The following CNTN5 variants were observed in gnomAD, a reference collection of about 807,000 sequenced individuals.
CNTN5 encodes the protein contactin-5.
Under a neutral mutation model 129.1 loss-of-function variants are expected in CNTN5, and 77 were observed. The ratio of observed to expected loss-of-function variants is 0.60; its 90% CI spans 0.50 to 0.72. The LOEUF is 0.72. Ranked by LOEUF, CNTN5 falls within the 30% of genes least tolerant of loss-of-function variation. The probability of loss-of-function intolerance (pLI) is 0.00; values close to 1 mark genes in which losing one functional copy is unlikely to be tolerated. For missense variants in CNTN5, 1,478 were observed against 1,328.8 expected (o/e 1.11, Z -1.75); for synonymous variants, 509 against 465.6 (o/e 1.09, Z -1.20).
chr11:100,233,712 A>G (rs1438619967), intron 16 of CNTN5, among the ~76,000 whole-genome samples: 1 of 152,078 alleles, frequency 6.6e-6, no homozygotes, highest in Non-Finnish European at 1.5e-5. Flanking sequence ...GGGACTTCTT[A>G]TCTAGGTGCC....
At chr11:99,997,526 C>G (rs556427581) in intron 8 of CNTN5, among the ~76,000 whole-genome samples, 25 of 152,066 alleles carry the variant, frequency 1.6e-4, no homozygotes, top group Non-Finnish European at 2.8e-4. Flanking sequence ...GCTTGCCAAC[C>G]AAAAAGAGCC....
rs139162536 is a variant in CNTN5, at chr11:99,799,816, A to T, written c.56-19728A>T. On this transcript the variant is annotated intron_variant, in intron 3 of 24. Coordinates refer to ENST00000524871, the MANE Select transcript of CNTN5 (RefSeq NM_014361.4). ...GAATTTTTTGGAAAAAATTGGGTAG[A>T]ATTGGTACCAGCTCTTCTTTGTATA... Among the ~76,000 whole-genome samples the T allele has an allele frequency of 1.2e-3, 181 of 152,108 alleles. 1 individual carries two copies. The highest frequency in any genetic ancestry group is 4.0e-3 in the African/African-American group (166 of 41,500).
chr11:99,539,298 T>C (rs1948012183), intron 2 of CNTN5, among the ~76,000 whole-genome samples: 1 of 152,132 alleles, frequency 6.6e-6, no homozygotes. Context: ...CATTTGGTAA[T>C]ATTAAAAGCT....
chr11:99,719,405 T>G (rs535157085), intron 3 of CNTN5, among the ~76,000 whole-genome samples: 19 of 152,172 alleles, frequency 1.2e-4, no homozygotes, highest in African/African-American at 4.6e-4. Flanking sequence ...TGAGGATATA[T>G]GTGTAAAAAT....
intron 3 of CNTN5, among the ~76,000 whole-genome samples, chr11:99,565,485 A>C (rs1948973181): frequency 6.6e-6 from 1 of 152,184 alleles, no homozygotes; most frequent in South Asian, 2.1e-4. Flanking sequence ...CTTTGTTTAC[A>C]GTGAAGTTTC....
intron 13 of CNTN5, among the ~76,000 whole-genome samples, chr11:100,094,765 A>AAAGGAAGGAAGGAAGGAAGGAAGGAAGG (rs57565481): frequency 2.6e-5 from 3 of 113,940 alleles, no homozygotes; most frequent in African/African-American, 6.5e-5. Flanking sequence ...GGGAGGGAGG[A>AAAGGAAGGAAGGAAGGAAGGAAGGAAGG]AAGGAAGGAA....
chr11:99,606,581 G>T (rs1342960622), intron 3 of CNTN5, among the ~76,000 whole-genome samples: 1 of 138,390 alleles, frequency 7.2e-6, no homozygotes, highest in South Asian at 2.4e-4. Context: ...TTTCTTCAAA[G>T]AATTGGAAAA....
chr11:99,111,374 G>A (rs1857788242), intron 1 of CNTN5, among the ~76,000 whole-genome samples: 1 of 151,848 alleles, frequency 6.6e-6, no homozygotes, highest in Admixed American at 6.6e-5. Flanking sequence ...AAAAAACTTA[G>A]AAAAGGTACA....
intron 2 of CNTN5, among the ~76,000 whole-genome samples, chr11:99,467,487 T>C (rs1048638987): frequency 4.6e-5 from 7 of 152,190 alleles, no homozygotes; most frequent in African/African-American, 1.7e-4. Context: ...TACCGCTTTA[T>C]CATGAATGTC....
intron 21 of CNTN5, among the ~76,000 whole-genome samples, chr11:100,326,743 A>G (rs911076732): frequency 6.6e-6 from 1 of 152,218 alleles, no homozygotes; most frequent in African/African-American, 2.4e-5. Context: ...ATTAAAAATT[A>G]AAATGATGTG....
At chr11:99,656,210 G>A (rs193093913) in intron 3 of CNTN5, among the ~76,000 whole-genome samples, 4 of 152,058 alleles carry the variant, frequency 2.6e-5, no homozygotes, top group Non-Finnish European at 2.9e-5. Flanking sequence ...AAAATGAATT[G>A]TAAGGTATGA....
At chr11:99,028,108 G>C (rs931236814) in intron 1 of CNTN5, among the ~76,000 whole-genome samples, 4 of 151,638 alleles carry the variant, frequency 2.6e-5, no homozygotes, top group African/African-American at 9.7e-5. Context: ...TCAAATAACA[G>C]TAATCTTAGT....
chr11:100,230,251 T>G (rs1488542876), intron 16 of CNTN5, among the ~76,000 whole-genome samples: 1 of 152,178 alleles, frequency 6.6e-6, no homozygotes, highest in Non-Finnish European at 1.5e-5. Context: ...ATTGGAATAT[T>G]CTGCACTATT....
rs1861541717 is a variant in CNTN5 at position 99,241,317 on chromosome 11, G to GGT, written c.-209-84028_-209-84027dup. On this transcript the variant is annotated intron_variant, in intron 1 of 24. Coordinates refer to ENST00000524871, the MANE Select transcript of CNTN5 (RefSeq NM_014361.4). ...TGTGACACTCCTTCATTTGATTGTT[G>GGT]GTTTTTTTTTTTTTTTTTTTTTGAT... 1.5e-4 allele frequency among the ~76,000 whole-genome samples: 9 copies of GGT among 60,118 alleles called. No homozygotes were observed. In the South Asian group the frequency reaches 6.2e-3, roughly 41 times the overall value. 39.4% of individuals were successfully genotyped at this position (60,118 alleles called of 152,430 possible). A position where few individuals can be genotyped will look rare whatever the true frequency, so the allele number is the denominator to read the frequency against.
At chr11:99,573,477 G>C (rs896245705) in intron 3 of CNTN5, among the ~76,000 whole-genome samples, 1 of 151,966 alleles carries the variant, frequency 6.6e-6, no homozygotes, top group Non-Finnish European at 1.5e-5. Flanking sequence ...GGCTGAGGCA[G>C]GAGAATGGCG....
intron 2 of CNTN5, among the ~76,000 whole-genome samples, chr11:99,465,894 T>TC (rs59487011): frequency 6.8e-6 from 1 of 147,820 alleles, no homozygotes; most frequent in Non-Finnish European, 1.5e-5. Context: ...TTTTTTTTTT[T>TC]CCTTTGAGAC....
intron 1 of CNTN5, among the ~76,000 whole-genome samples, chr11:99,109,213 T>C (rs1489874499): frequency 1.3e-5 from 2 of 151,860 alleles, no homozygotes; most frequent in Admixed American, 1.3e-4. Context: ...GTCATATATA[T>C]ATTAATCCAA....
At chr11:100,283,990 G>A (rs932239249) in intron 18 of CNTN5, among the ~76,000 whole-genome samples, 16 of 152,042 alleles carry the variant, frequency 1.1e-4, no homozygotes, top group African/African-American at 3.6e-4. Context: ...AATTCCCTCT[G>A]TGGGTGGGCA....
At chr11:100,138,260 A>AG (rs397940582) in intron 13 of CNTN5, among the ~76,000 whole-genome samples, 42 of 151,698 alleles carry the variant, frequency 2.8e-4, no homozygotes, top group African/African-American at 9.7e-4. Context: ...AAAAAAAAAA[A>AG]TGAACCGATA....
Sources: allele counts gnomAD v4.1 joint callset (sites outside exome capture counted in the v4.1 genomes callset), GRCh38; gene constraint gnomAD v4.1.1; transcripts MANE v1.5; gene names NCBI Gene and HGNC (gene_info 2026-07-23, HGNC 2026-07-21).